The following CREB1 variants were observed in gnomAD, a reference collection of about 807,000 sequenced individuals.
CREB1 encodes the protein cAMP responsive element binding protein 1.
Under a neutral mutation model 42.0 loss-of-function variants are expected in CREB1, and 2 were observed. The ratio of observed to expected loss-of-function variants is 0.05; its 90% CI spans 0.02 to 0.15. The LOEUF (loss-of-function observed/expected upper bound fraction) is 0.15, where lower values mean the gene tolerates loss of function less well. CREB1 is among the 10% of genes least tolerant of loss of function. The probability of loss-of-function intolerance (pLI) is 1.00; values close to 1 mark genes in which losing one functional copy is unlikely to be tolerated. For synonymous variants in CREB1, 123 were observed against 139.9 expected (o/e 0.88, Z 0.85); for missense variants, 199 against 388.9 (o/e 0.51, Z 4.11).
intron 1 of CREB1, among the ~76,000 whole-genome samples, chr2:207,538,113 C>G (rs763778117): frequency 6.6e-6 from 1 of 152,148 alleles, no homozygotes; most frequent in South Asian, 2.1e-4. Context: ...TTTTTCATGG[C>G]ATCATGTCAG....
At chr2:207,593,691 A>G (rs1226390289) in intron 7 of CREB1, among the ~76,000 whole-genome samples, 3 of 151,286 alleles carry the variant, frequency 2.0e-5, no homozygotes, top group Non-Finnish European at 2.9e-5. Flanking sequence ...TGTGCTTTAC[A>G]TATATTAACT....
rs1420476104 is a variant in CREB1 at position 207,603,555 on chromosome 2, C to G, written c.*6497C>G. On this transcript the variant is annotated 3_prime_UTR_variant, in exon 8 of 8. Coordinates refer to ENST00000353267, the MANE Select transcript of CREB1 (RefSeq NM_004379.5). Reference sequence around the variant, plus strand: ...ATTACAAGCTTGTGTTGGAAGGCAGCAAAACTAATTCAGACAACAACATGT... The same window carrying G: ...ATTACAAGCTTGTGTTGGAAGGCAGGAAAACTAATTCAGACAACAACATGT... The G allele has an allele frequency of 4.5e-6, 1 of 223,358 alleles. No individual in the cohort carries two copies. The highest frequency in any genetic ancestry group is 8.9e-6 in the Non-Finnish European group (1 of 111,992). The allele number at this position is 223,358 out of a possible 1,614,324, so 13.8% of individuals were successfully genotyped here.
intron 1 of CREB1, among the ~76,000 whole-genome samples, chr2:207,545,836 C>T (rs190224172): frequency 7.0e-4 from 105 of 150,954 alleles, no homozygotes; most frequent in Non-Finnish European, 1.5e-4. Flanking sequence ...TAGGTTCAAG[C>T]GATTCTCCTG....
At chr2:207,558,338 G>C (rs1310607443) in intron 2 of CREB1, among the ~76,000 whole-genome samples, 2 of 152,080 alleles carry the variant, frequency 1.3e-5, no homozygotes, top group Non-Finnish European at 2.9e-5. Flanking sequence ...TCACCCAAAA[G>C]CCTATCCTTA....
At chr2:207,556,081 GAC>G (rs2081708188) in intron 2 of CREB1, among the ~76,000 whole-genome samples, 1 of 151,858 alleles carries the variant, frequency 6.6e-6, no homozygotes, top group South Asian at 2.1e-4. Context: ...TTTTTAATAT[GAC>G]ACAGATTTAT....
chr2:207,580,146 A>G (rs2082802375), intron 7 of CREB1, among the ~76,000 whole-genome samples: 1 of 152,202 alleles, frequency 6.6e-6, no homozygotes, highest in Admixed American at 6.5e-5. Flanking sequence ...AGAGGAGGAG[A>G]AGGTAAATAT....
chr2:207,583,644 G>T (rs1424895522), intron 7 of CREB1, among the ~76,000 whole-genome samples: 1 of 152,092 alleles, frequency 6.6e-6, no homozygotes, highest in African/African-American at 2.4e-5. Context: ...TCTTCAGTCT[G>T]GGATTTTCTG....
chr2:207,603,076 ATTGGAG>A lies in CREB1; in HGVS notation c.*6022_*6027del. On this transcript the variant is annotated 3_prime_UTR_variant, in exon 8 of 8. Transcript: ENST00000353267. ...ATTGATTTTTAACTCTGATGTTTCT[ATTGGAG>A]TTGAATACTAAATAAATAACTATAA... 2 of 211,026 alleles carry A rather than the reference ATTGGAG, an allele frequency of 9.5e-6. No individual in the cohort carries two copies. Among genetic ancestry groups the A allele is most frequent in the Non-Finnish European group, 1.9e-5 (2 of 104,084 alleles). 13.1% of individuals were successfully genotyped at this position (211,026 alleles called of 1,614,324 possible).
chr2:207,534,434 A>G (rs2080783148), intron 1 of CREB1, among the ~76,000 whole-genome samples: 2 of 152,004 alleles, frequency 1.3e-5, no homozygotes, highest in African/African-American at 4.8e-5. Context: ...ACAGGGTTTC[A>G]CCATGTTGGT....
At chr2:207,576,769 T>C (rs2082614453) in intron 6 of CREB1, 1 of 1,049,522 alleles carries the variant, frequency 9.5e-7, no homozygotes, top group African/African-American at 1.7e-5. Context: ...ATATGAATAA[T>C]TTTATAAAGA....
chr2:207,552,049 A>G (rs1262587297), intron 1 of CREB1, among the ~76,000 whole-genome samples: 2 of 148,920 alleles, frequency 1.3e-5, no homozygotes, highest in African/African-American at 4.9e-5. Flanking sequence ...TCTCAAAAAA[A>G]AAAAAAAAAA....
At chr2:207,589,783 C>T (rs1442657845) in intron 7 of CREB1, among the ~76,000 whole-genome samples, 1 of 152,126 alleles carries the variant, frequency 6.6e-6, no homozygotes, top group African/African-American at 2.4e-5. Context: ...TTGAGATATG[C>T]ATGCATTCCT....
chr2:207,540,016 A>G (rs1422739856), intron 1 of CREB1, among the ~76,000 whole-genome samples: 1 of 152,202 alleles, frequency 6.6e-6, no homozygotes, highest in Non-Finnish European at 1.5e-5. Flanking sequence ...TTGGGCTGAA[A>G]TGTAGATTTC....
At chr2:207,537,283 C>A in intron 1 of CREB1, among the ~76,000 whole-genome samples, 1 of 152,116 alleles carries the variant, frequency 6.6e-6, no homozygotes, top group Admixed American at 6.5e-5. Context: ...CGTGATCCAC[C>A]CACCTCTGCC....
At chr2:207,530,569 C>T (rs1574730127) in intron 1 of CREB1, among the ~76,000 whole-genome samples, 1 of 146,536 alleles carries the variant, frequency 6.8e-6, no homozygotes, top group Non-Finnish European at 1.5e-5. Context: ...GCCCCCCGCG[C>T]CGCTCGCTCG....
chr2:207,544,143 A>G (rs2081209566), intron 1 of CREB1, among the ~76,000 whole-genome samples: 1 of 149,154 alleles, frequency 6.7e-6, no homozygotes, highest in Non-Finnish European at 1.5e-5. Context: ...TTCTGACCTC[A>G]TGATCTGCCC....
intron 1 of CREB1, among the ~76,000 whole-genome samples, chr2:207,542,178 A>G (rs976981978): frequency 2.6e-5 from 4 of 152,182 alleles, no homozygotes; most frequent in African/African-American, 9.7e-5. Context: ...ATACTCAGGA[A>G]TGGAATTTTA....
intron 1 of CREB1, among the ~76,000 whole-genome samples, chr2:207,547,286 T>C (rs1405857490): frequency 1.3e-5 from 2 of 152,270 alleles, no homozygotes; most frequent in Admixed American, 6.5e-5. Flanking sequence ...TGTAGTGATT[T>C]TGACGTAATC....
At chr2:207,536,524 C>A (rs2080876572) in intron 1 of CREB1, among the ~76,000 whole-genome samples, 2 of 152,098 alleles carry the variant, frequency 1.3e-5, no homozygotes, top group Admixed American at 6.5e-5. Flanking sequence ...CATTGCACGC[C>A]AGGCTGGGCG....
Sources: gnomAD v4.1 joint callset for allele counts (sites outside exome capture counted in the v4.1 genomes callset) on GRCh38, gnomAD v4.1.1 for gene constraint, MANE v1.5 for transcripts, NCBI Gene and HGNC (gene_info 2026-07-23, HGNC 2026-07-21) for gene names.